The following CSF2RB variants were observed in gnomAD, a reference collection of about 807,000 sequenced individuals.
CSF2RB encodes the protein colony stimulating factor 2 receptor subunit beta.
Under a neutral mutation model 67.2 loss-of-function variants are expected in CSF2RB, and 22 were observed. The ratio of observed to expected loss-of-function variants is 0.33; its 90% CI spans 0.23 to 0.47. The LOEUF is 0.47. Ranked by LOEUF, CSF2RB falls within the 20% of genes least tolerant of loss-of-function variation. CSF2RB has a pLI of 1.00. For synonymous variants in CSF2RB, 507 were observed against 482.9 expected, an observed-to-expected ratio of 1.05 and a Z score of -0.65; for missense variants, 1,113 against 1,174.5, an observed-to-expected ratio of 0.95 and a Z score of 0.76.
At chr22:36,929,037 G>C (rs1941086260) in intron 4 of CSF2RB, among the ~76,000 whole-genome samples, 2 of 152,234 alleles carry the variant, frequency 1.3e-5, no homozygotes, top group Non-Finnish European at 2.9e-5. Context: ...TGGACAGCAG[G>C]AGGGGGGAGG....
chr22:36,922,138 A>C lies in CSF2RB; in HGVS notation c.-70A>C. ...AGGAACACAGGACTTCAGGACACTA[A>C]GGACCCTGTCATGCCCATGGCCAGC... On this transcript the variant is annotated 5_prime_UTR_variant, in exon 2 of 14. It removes the in-frame stop codon of an upstream open reading frame in the 5' UTR. Coordinates refer to ENST00000403662, the MANE Select transcript of CSF2RB (RefSeq NM_000395.3). 1 of 1,411,580 alleles carries C rather than the reference A, an allele frequency of 7.1e-7. No homozygotes were observed. Among genetic ancestry groups the C allele is most frequent in the Non-Finnish European group, 9.7e-7 (1 of 1,026,984 alleles). 87.4% of individuals were successfully genotyped at this position (1,411,580 alleles called of 1,614,324 possible). A position where few individuals can be genotyped will look rare whatever the true frequency, so the allele number is the denominator to read the frequency against.
chr22:36,937,249 C>A lies in CSF2RB; in HGVS notation c.1569-128C>A. The A allele has an allele frequency of 8.4e-7, 1 of 1,192,910 alleles. No individual in the cohort carries two copies. The highest frequency in any genetic ancestry group is 1.3e-5 in the South Asian group (1 of 76,110). The allele number at this position is 1,192,910 out of a possible 1,614,324, so 73.9% of individuals were successfully genotyped here. A position where few individuals can be genotyped will look rare whatever the true frequency, so the allele number is the denominator to read the frequency against. On this transcript the variant is annotated intron_variant, in intron 13 of 13. Coordinates refer to ENST00000403662, the MANE Select transcript of CSF2RB (RefSeq NM_000395.3). This position sits in a 1 kb window ranked among gnomAD's most constrained non-coding sequence, Gnocchi z 4.6. ...CCCTCAACCCTGTCCCGTTCAGGTT[C>A]TCTCTGTGAGATCTGGGGGACATCA...
chr22:36,937,623 C>T lies in CSF2RB; in HGVS notation c.1815C>T (p.Ile605=), dbSNP rs752806174. ...GPPHSRSLPD[I]LGQPEPPQEG... Reference sequence around the variant, plus strand: ...CCCACAGCCGCTCCCTACCTGACATCCTGGGCCAGCCGGAGCCCCCACAGG... The same window carrying T: ...CCCACAGCCGCTCCCTACCTGACATTCTGGGCCAGCCGGAGCCCCCACAGG... The change falls in exon 14 of 14, where the codon ATC becomes ATT. Residue 605 remains isoleucine (I), a synonymous_variant. Coordinates refer to ENST00000403662, the MANE Select transcript of CSF2RB (RefSeq NM_000395.3). This position sits in a 1 kb window ranked among gnomAD's most constrained non-coding sequence, Gnocchi z 4.6. 3 of 1,564,896 alleles carry T rather than the reference C, an allele frequency of 1.9e-6. No homozygotes were observed. The highest frequency in any genetic ancestry group is 2.6e-6 in the Non-Finnish European group (3 of 1,154,346).
chr22:36,914,230 G>A (rs1940662610), intron 1 of CSF2RB, among the ~76,000 whole-genome samples: 1 of 152,096 alleles, frequency 6.6e-6, no homozygotes, highest in Admixed American at 6.6e-5. Flanking sequence ...GGATGTCTGG[G>A]GATGCAGGAG....
chr22:36,939,047 A>T lies in CSF2RB; in HGVS notation c.*545A>T. The T allele has an allele frequency of 3.0e-6, 2 of 673,870 alleles. No homozygotes were observed. The highest frequency in any genetic ancestry group is 2.1e-5 in the Admixed American group (1 of 48,418). The allele number at this position is 673,870 out of a possible 1,614,324, so 41.7% of individuals were successfully genotyped here. A position where few individuals can be genotyped will look rare whatever the true frequency, so the allele number is the denominator to read the frequency against. On this transcript the variant is annotated 3_prime_UTR_variant, in exon 14 of 14. Coordinates refer to ENST00000403662, the MANE Select transcript of CSF2RB (RefSeq NM_000395.3). ...GGGGGTTAGGGCTTGGAAGAGTGGC[A>T]CAGGACTGGGCACGCTCAGTGAGGC...
chr22:36,936,501 C>T lies in CSF2RB; in HGVS notation c.1465-48C>T, dbSNP rs200730607. 49 of 1,570,246 alleles carry T rather than the reference C, an allele frequency of 3.1e-5. No individual in the cohort carries two copies. The Admixed American group carries it at 6.2e-4, about 20-fold the overall frequency. ...CCCGTCACCCTCTGCCTTGCCCCCA[C>T]CTCGGACCTCCTGATGCTCACCGGC... On this transcript the variant is annotated intron_variant, in intron 12 of 13. Transcript: ENST00000403662.
intron 1 of CSF2RB, 121 bp from the exon 2 acceptor site, chr22:36,921,915 G>T (rs904244468): frequency 1.7e-5 from 9 of 542,572 alleles, no homozygotes; most frequent in Non-Finnish European, 2.0e-5. Flanking sequence ...CCTTCATGCC[G>T]CAGGAGACTG....
In CSF2RB at chr22:36,936,625, G is replaced by T; in HGVS notation, c.1541G>T (p.Trp514Leu). The change falls in exon 13 of 14, where the codon TGG becomes TTG. Residue 514 changes from tryptophan (W) to leucine (L), a missense_variant. Trp to Leu is a moderately conservative substitution (Grantham distance 61). This residue lies in a region of CSF2RB where 554 missense variants were observed against 517.9 expected (regional missense o/e 1.07). Transcript: ENST00000403662. Reference sequence around the variant, plus strand: ...GGGAGTCCCCCACACCAGGGGCCGTGGGGCAGCCGCTTCCCTGAGCTGGAG... The same window carrying T: ...GGGAGTCCCCCACACCAGGGGCCGTTGGGCAGCCGCTTCCCTGAGCTGGAG... ...TSGSPPHQGP[W>L]GSRFPELEGV... The T allele has an allele frequency of 6.2e-7, 1 of 1,613,640 alleles. No individual in the cohort carries two copies. The highest frequency in any genetic ancestry group is 8.5e-7 in the Non-Finnish European group (1 of 1,179,976).
chr22:36,931,668 A>G (rs993335771), intron 8 of CSF2RB, among the ~76,000 whole-genome samples: 4 of 152,216 alleles, frequency 2.6e-5, no homozygotes, highest in Non-Finnish European at 5.9e-5. Flanking sequence ...TAGTAGGCAG[A>G]TCAAGATTAG....
At chr22:36,924,610 G>A (rs929526672) in intron 3 of CSF2RB, among the ~76,000 whole-genome samples, 4 of 152,100 alleles carry the variant, frequency 2.6e-5, no homozygotes, top group Non-Finnish European at 5.9e-5. Flanking sequence ...ATTTCCTCCT[G>A]GGCCCACTCC....
intron 4 of CSF2RB, 110 bp from the exon 5 acceptor site, chr22:36,929,292 T>C: frequency 6.9e-7 from 1 of 1,451,674 alleles, no homozygotes; most frequent in Non-Finnish European, 9.6e-7. Context: ...CCTCAGCTGC[T>C]GGGGGCAGGG....
chr22:36,928,959 C>T (rs989889435), intron 4 of CSF2RB, among the ~76,000 whole-genome samples: 18 of 152,136 alleles, frequency 1.2e-4, no homozygotes, highest in Non-Finnish European at 2.6e-4. Context: ...CGAGGATGTT[C>T]CTAGAGCCGG....
At chr22:36,923,412 TC>T (rs1157851386) in intron 3 of CSF2RB, 45 bp downstream of exon 3, 2 of 1,601,830 alleles carry the variant, frequency 1.2e-6, no homozygotes, top group Admixed American at 3.5e-5. Flanking sequence ...GGCTACGACG[TC>T]CCCTGTGCCT....
At chr22:36,921,483 T>G (rs1365447977) in intron 1 of CSF2RB, among the ~76,000 whole-genome samples, 2 of 151,550 alleles carry the variant, frequency 1.3e-5, no homozygotes, top group Non-Finnish European at 2.9e-5. Flanking sequence ...GTGTGTGTGT[T>G]TGCATGGGCA....
chr22:36,915,116 C>T (rs1940688594), intron 1 of CSF2RB, among the ~76,000 whole-genome samples: 1 of 152,032 alleles, frequency 6.6e-6, no homozygotes, highest in Non-Finnish European at 1.5e-5. Context: ...CAGAGTTTTA[C>T]TCTTGTCGCC....
At chr22:36,929,040 G>T (rs573346551) in intron 4 of CSF2RB, among the ~76,000 whole-genome samples, 7 of 152,302 alleles carry the variant, frequency 4.6e-5, no homozygotes, top group South Asian at 2.1e-4. Context: ...ACAGCAGGAG[G>T]GGGGAGGCCG....
In CSF2RB at chr22:36,939,367, A is replaced by C; in HGVS notation, c.*865A>C. The C allele has an allele frequency of 1.5e-6, 1 of 680,908 alleles. No homozygotes were observed. Among genetic ancestry groups the C allele is most frequent in the Non-Finnish European group, 2.7e-6 (1 of 373,374 alleles). The allele number at this position is 680,908 out of a possible 1,614,324, so 42.2% of individuals were successfully genotyped here. ...AGGGGAAACTGCCAAACAAAGGAAA[A>C]TGCCCCAAAGGCATATATGCTTTAG... On this transcript the variant is annotated 3_prime_UTR_variant, in exon 14 of 14. Transcript: ENST00000403662.
At chr22:36,933,601 A>G (rs531708284) in intron 9 of CSF2RB, among the ~76,000 whole-genome samples, 18 of 152,316 alleles carry the variant, frequency 1.2e-4, no homozygotes, top group Admixed American at 1.2e-3. Context: ...TCTGGGCCTC[A>G]GTGTTGTCAA....
Position 36,937,403 on chromosome 22 carries a change from G to A in CSF2RB, c.1595G>A (p.Ser532Asn), listed in dbSNP as rs1400380405. ...GTGTTCCCTGTAGGATTCGGGGACA[G>A]CGAGGTGTCACCTCTCACCATAGAG... is the stretch of plus-strand genomic sequence containing the variant. ...EGVFPVGFGD[S>N]EVSPLTIEDP... The change falls in exon 14 of 14, where the codon AGC becomes AAC. Residue 532 changes from serine (S) to asparagine (N), a missense_variant. Ser to Asn is a conservative substitution (Grantham distance 46). This residue lies in a region of CSF2RB where 554 missense variants were observed against 517.9 expected (regional missense o/e 1.07). Coordinates refer to ENST00000403662, the MANE Select transcript of CSF2RB (RefSeq NM_000395.3). This position sits in a 1 kb window ranked among gnomAD's most constrained non-coding sequence, Gnocchi z 4.6. The A allele has an allele frequency of 6.2e-6, 10 of 1,613,758 alleles. No individual in the cohort carries two copies. The highest frequency in any genetic ancestry group is 8.5e-6 in the Non-Finnish European group (10 of 1,179,980).
Sources: gnomAD v4.1 joint callset for allele counts (sites outside exome capture counted in the v4.1 genomes callset) on GRCh38, gnomAD v4.1.1 for gene constraint, gnomAD v4.1.1 regional missense constraint, Gnocchi (gnomAD v3.1) non-coding constraint, MANE v1.5 for transcripts, NCBI Gene and HGNC (gene_info 2026-07-23, HGNC 2026-07-21) for gene names.